Variants in ACSS3 observed in about 807,000 individuals in gnomAD.
ACSS3 encodes the protein acyl-CoA synthetase short-chain family member 3, mitochondrial.
A neutral mutation model predicts 84.2 loss-of-function variants in ACSS3; 64 were observed. The observed-to-expected ratio is 0.76, with a 90% CI of 0.62 to 0.94. The LOEUF (loss-of-function observed/expected upper bound fraction) is 0.94, where lower values mean the gene tolerates loss of function less well. Among genes scored for constraint, ACSS3 ranks in the 40% least tolerant of loss-of-function variants. The pLI, the probability that ACSS3 is intolerant of heterozygous loss-of-function variation, is 0.00. For synonymous variants in ACSS3, 317 were observed against 310.1 expected (o/e 1.02, Z -0.23); for missense variants, 815 against 867.6 (o/e 0.94, Z 0.76).
intron 12 of ACSS3, 35 bp downstream of exon 12, chr12:81,231,173 G>A (rs748545848): frequency 6.7e-7 from 1 of 1,495,264 alleles, no homozygotes; most frequent in South Asian, 1.2e-5. Context: ...ATCTTCTTAT[G>A]TACTTTTCTA....
rs2034194772 is a variant in ACSS3, at chr12:81,252,883, C to T, written c.1720-424C>T. On this transcript the variant is annotated intron_variant, in intron 13 of 15. Coordinates refer to ENST00000548058, the MANE Select transcript of ACSS3 (RefSeq NM_024560.4). ...TTATTATTTAGCCATAGGGCAGCCTCGGATTCCTCTGGAAGGTATGCCTAT... is the reference window on the plus strand; with the variant it reads ...TTATTATTTAGCCATAGGGCAGCCTTGGATTCCTCTGGAAGGTATGCCTAT... 7.2e-5 allele frequency among the ~76,000 whole-genome samples: 11 copies of T among 152,320 alleles called. No homozygotes were observed. The South Asian group carries it at 1.9e-3, about 26-fold the overall frequency.
At chr12:81,172,051 G>A (rs2135812443) in intron 7 of ACSS3, among the ~76,000 whole-genome samples, 1 of 152,260 alleles carries the variant, frequency 6.6e-6, no homozygotes, top group Non-Finnish European at 1.5e-5. Context: ...CGGATTGCCT[G>A]AGGTCAGAAG....
intron 13 of ACSS3, among the ~76,000 whole-genome samples, chr12:81,245,180 G>C (rs2033942348): frequency 6.6e-6 from 1 of 152,132 alleles, no homozygotes; most frequent in South Asian, 2.1e-4. Flanking sequence ...AATAGGATGA[G>C]GGCTGGCGCG....
At chr12:81,240,708 A>T (rs1428298320) in intron 13 of ACSS3, among the ~76,000 whole-genome samples, 1 of 152,036 alleles carries the variant, frequency 6.6e-6, no homozygotes, top group Admixed American at 6.6e-5. Flanking sequence ...CATATTAAAT[A>T]TACTTCTTTT....
intron 1 of ACSS3, among the ~76,000 whole-genome samples, chr12:81,095,520 A>G (rs1478940759): frequency 6.6e-6 from 1 of 152,220 alleles, no homozygotes; most frequent in Non-Finnish European, 1.5e-5. Flanking sequence ...GAATACAAAT[A>G]AACAAGATAA....
At position 81,167,992 on chromosome 12, in the gene ACSS3, G is replaced by A. The variant is rs569055747; in HGVS notation, c.1099-6796G>A. On this transcript the variant is annotated intron_variant, in intron 7 of 15. Coordinates refer to ENST00000548058, the MANE Select transcript of ACSS3 (RefSeq NM_024560.4). ...TGTCAAAATAGCAAACTGATAGAAA[G>A]TATTAATCTGAACCATGTGACATTG... Among the ~76,000 whole-genome samples, 277 of 152,222 alleles carry A rather than the reference G, an allele frequency of 1.8e-3. 1 individual carries two copies. Among genetic ancestry groups the A allele is most frequent in the African/African-American group, 6.1e-3 (255 of 41,528 alleles).
At chr12:81,134,779 C>A in intron 2 of ACSS3, 37 bp from the exon 3 acceptor site, 1 of 1,427,522 alleles carries the variant, frequency 7.0e-7, no homozygotes, top group Non-Finnish European at 9.3e-7. Flanking sequence ...TGAAATAATA[C>A]AAAATACACT....
In ACSS3 at chr12:81,166,772, G is replaced by T. The variant is rs1262327608; in HGVS notation, c.1099-8016G>T. 2.6e-5 allele frequency among the ~76,000 whole-genome samples: 4 copies of T among 152,204 alleles called. No individual in the cohort carries two copies. The South Asian group carries it at 6.2e-4, about 24-fold the overall frequency. On this transcript the variant is annotated intron_variant, in intron 7 of 15. Coordinates refer to ENST00000548058, the MANE Select transcript of ACSS3 (RefSeq NM_024560.4). Reference sequence around the variant, plus strand: ...ATGTTTGAAGGTTGTTTTGGACAAAGAATTGGATGTTATGGAGGGACCAGG... The same window carrying T: ...ATGTTTGAAGGTTGTTTTGGACAAATAATTGGATGTTATGGAGGGACCAGG...
chr12:81,123,759 C>G (rs1884844563), intron 2 of ACSS3, among the ~76,000 whole-genome samples: 1 of 152,180 alleles, frequency 6.6e-6, no homozygotes, highest in Non-Finnish European at 1.5e-5. Context: ...CTTTGGATGA[C>G]ATCCAGCTGC....
At chr12:81,136,660 C>T (rs1239501237) in intron 3 of ACSS3, among the ~76,000 whole-genome samples, 1 of 152,080 alleles carries the variant, frequency 6.6e-6, no homozygotes, top group Non-Finnish European at 1.5e-5. Flanking sequence ...TTTGGAAGGA[C>T]AGTAAGTAGA....
chr12:81,155,387 C>A (rs933927681), intron 7 of ACSS3, among the ~76,000 whole-genome samples: 2 of 152,174 alleles, frequency 1.3e-5, no homozygotes, highest in Non-Finnish European at 2.9e-5. Context: ...CTTTTTATAT[C>A]TGCCTTTCCT....
chr12:81,224,306 A>G (rs564869673), intron 11 of ACSS3, among the ~76,000 whole-genome samples: 221 of 152,034 alleles, frequency 1.5e-3, no homozygotes, highest in Non-Finnish European at 1.4e-3. Context: ...TTCTTTTTCT[A>G]TAACTTTAGA....
rs528197619 is a variant in ACSS3 at position 81,209,126 on chromosome 12, C to G, written c.1355-7775C>G. ...TACTTATTTTTTTTAGGCCCCTGATCTTTATCATGGGAGCCTAAAATCATG... is the reference window on the plus strand; with the variant it reads ...TACTTATTTTTTTTAGGCCCCTGATGTTTATCATGGGAGCCTAAAATCATG... On this transcript the variant is annotated intron_variant, in intron 9 of 15. Transcript: ENST00000548058. 2.0e-5 allele frequency among the ~76,000 whole-genome samples: 3 copies of G among 151,948 alleles called. No homozygotes were observed. The South Asian group carries it at 6.2e-4, about 32-fold the overall frequency.
intron 9 of ACSS3, among the ~76,000 whole-genome samples, chr12:81,214,277 C>T (rs1199742110): frequency 3.9e-5 from 6 of 151,960 alleles, no homozygotes; most frequent in East Asian, 1.9e-4. Context: ...CCACCAGCCT[C>T]GGCCTCCGAA....
chr12:81,153,529 T>A (rs1299380211), intron 7 of ACSS3, among the ~76,000 whole-genome samples: 1 of 152,158 alleles, frequency 6.6e-6, no homozygotes, highest in Non-Finnish European at 1.5e-5. Context: ...AATTATGTAG[T>A]CTTGAATGCG....
Position 81,078,092 on chromosome 12 carries a change from C to T in ACSS3, c.-29C>T. 1 of 1,452,588 alleles carries T rather than the reference C, an allele frequency of 6.9e-7. No homozygotes were observed. The highest frequency in any genetic ancestry group is 9.1e-7 in the Non-Finnish European group (1 of 1,103,614). 90.0% of individuals were successfully genotyped at this position (1,452,588 alleles called of 1,614,324 possible). On this transcript the variant is annotated 5_prime_UTR_variant, in exon 1 of 16. Transcript: ENST00000548058. ...AGTTGCAAGAGTACCATTTGTCGCA[C>T]ACTCGGGGACCGCGGGTGGCCGGAG...
intron 2 of ACSS3, among the ~76,000 whole-genome samples, chr12:81,112,271 T>TA (rs1247504389): frequency 6.6e-6 from 1 of 152,234 alleles, no homozygotes; most frequent in East Asian, 1.9e-4. Flanking sequence ...TAAATTTACT[T>TA]ACATATTGTA....
chr12:81,095,694 A>G (rs776914370), intron 1 of ACSS3, among the ~76,000 whole-genome samples: 3 of 152,088 alleles, frequency 2.0e-5, no homozygotes, highest in Admixed American at 6.6e-5. Context: ...TGTGGGCTGC[A>G]TTTCTCACCA....
At chr12:81,161,699 GC>G (rs1887156768) in intron 7 of ACSS3, among the ~76,000 whole-genome samples, 1 of 152,154 alleles carries the variant, frequency 6.6e-6, no homozygotes, top group Non-Finnish European at 1.5e-5. Context: ...AGCCTGCTGG[GC>G]TCTCTCTGCC....
Sources: gnomAD v4.1 joint callset for allele counts (sites outside exome capture counted in the v4.1 genomes callset) on GRCh38, gnomAD v4.1.1 for gene constraint, MANE v1.5 for transcripts, NCBI Gene and HGNC (gene_info 2026-07-23, HGNC 2026-07-21) for gene names.